NRXN1: variants seen among roughly 807,000 people sequenced by gnomAD.
NRXN1 encodes neurexin 1, also known as neurexin-1.
Under a neutral mutation model 150.9 loss-of-function variants are expected in NRXN1, and 39 were observed. The ratio of observed to expected loss-of-function variants is 0.26; its 90% CI spans 0.20 to 0.34. The LOEUF (loss-of-function observed/expected upper bound fraction) is 0.34, where lower values mean the gene tolerates loss of function less well. Among genes scored for constraint, NRXN1 ranks in the 10% least tolerant of loss-of-function variants. The pLI, the probability that NRXN1 is intolerant of heterozygous loss-of-function variation, is 1.00. For missense variants in NRXN1, 1,815 were observed against 1,949.9 expected, an observed-to-expected ratio of 0.93 and a Z score of 1.30; for synonymous variants, 924 against 757.0, an observed-to-expected ratio of 1.22 and a Z score of -3.62.
intron 15 of NRXN1, among the ~76,000 whole-genome samples, chr2:50,478,349 A>G (rs889102259): frequency 1.3e-5 from 2 of 152,226 alleles, no homozygotes; most frequent in Non-Finnish European, 2.9e-5. Context: ...TCTATAAGAA[A>G]CCACACAGAA....
intron 5 of NRXN1, among the ~76,000 whole-genome samples, chr2:50,828,971 A>T (rs1401787807): frequency 6.6e-6 from 1 of 152,218 alleles, no homozygotes; most frequent in African/African-American, 2.4e-5. Context: ...CACCGTCTGC[A>T]ATCCCGGCAC....
chr2:51,009,004 A>C (rs756730411), intron 2 of NRXN1, among the ~76,000 whole-genome samples: 22 of 151,916 alleles, frequency 1.4e-4, no homozygotes, highest in Admixed American at 2.6e-4. Context: ...TGGAAAGGCA[A>C]AAATTAGAAC....
chr2:50,823,560 ATGT>A (rs1670028797), intron 5 of NRXN1, among the ~76,000 whole-genome samples: 1 of 152,110 alleles, frequency 6.6e-6, no homozygotes, highest in Non-Finnish European at 1.5e-5. Flanking sequence ...CTATGAATTA[ATGT>A]TGTTTCCTCA....
At chr2:50,602,333 G>A (rs1676415045) in intron 8 of NRXN1, among the ~76,000 whole-genome samples, 3 of 151,692 alleles carry the variant, frequency 2.0e-5, no homozygotes, top group South Asian at 4.2e-4. Flanking sequence ...TACATCCTCA[G>A]AGAAGATTTT....
At chr2:49,934,875 C>G (rs1308168035) in intron 22 of NRXN1, among the ~76,000 whole-genome samples, 3 of 152,174 alleles carry the variant, frequency 2.0e-5, no homozygotes, top group African/African-American at 7.2e-5. Flanking sequence ...ACGTGCCCTC[C>G]TCCTACCATA....
chr2:50,736,588 T>A (rs1698781098), intron 5 of NRXN1, among the ~76,000 whole-genome samples: 1 of 152,106 alleles, frequency 6.6e-6, no homozygotes, highest in African/African-American at 2.4e-5. Flanking sequence ...CTGGTTCTTG[T>A]GGTAGTGAAT....
At chr2:51,007,218 T>C (rs1667151600) in intron 2 of NRXN1, among the ~76,000 whole-genome samples, 2 of 151,962 alleles carry the variant, frequency 1.3e-5, no homozygotes. Flanking sequence ...TTTCAGATAA[T>C]TATCAGAAGA....
intron 19 of NRXN1, among the ~76,000 whole-genome samples, chr2:50,086,602 C>G (rs981116239): frequency 3.9e-5 from 6 of 152,152 alleles, no homozygotes; most frequent in Admixed American, 2.6e-4. Flanking sequence ...AAAGTTAATA[C>G]ATTTTATCTG....
At chr2:50,579,523 C>A (rs1671938020) in intron 8 of NRXN1, among the ~76,000 whole-genome samples, 1 of 152,124 alleles carries the variant, frequency 6.6e-6, no homozygotes, top group Admixed American at 6.6e-5. Flanking sequence ...GTGGCATGTG[C>A]CTATAGTCCT....
At chr2:50,547,213 A>G (rs1355277668) in intron 9 of NRXN1, among the ~76,000 whole-genome samples, 1 of 152,156 alleles carries the variant, frequency 6.6e-6, no homozygotes, top group East Asian at 1.9e-4. Context: ...CGCTGACACA[A>G]TCAGCTGTAC....
At chr2:50,728,919 T>G (rs116309115) in intron 5 of NRXN1, among the ~76,000 whole-genome samples, 55 of 152,316 alleles carry the variant, frequency 3.6e-4, no homozygotes, top group African/African-American at 1.3e-3. Flanking sequence ...GTGCATGGTT[T>G]ATGACAGTTT....
At chr2:50,772,923 A>G (rs1239655341) in intron 5 of NRXN1, among the ~76,000 whole-genome samples, 1 of 152,136 alleles carries the variant, frequency 6.6e-6, no homozygotes, top group African/African-American at 2.4e-5. Context: ...AAAGAGAAAC[A>G]AAAGGAGGAG....
chr2:50,622,438 G>C (rs1335387082), intron 6 of NRXN1, among the ~76,000 whole-genome samples: 1 of 152,122 alleles, frequency 6.6e-6, no homozygotes, highest in Non-Finnish European at 1.5e-5. Flanking sequence ...TTTAAGATCA[G>C]CATGTACGGC....
At chr2:50,356,934 G>A (rs906699849) in intron 17 of NRXN1, among the ~76,000 whole-genome samples, 1 of 151,984 alleles carries the variant, frequency 6.6e-6, no homozygotes, top group African/African-American at 2.4e-5. Flanking sequence ...CTAGACTTAA[G>A]ATTTTTTTTT....
rs569687380 is a variant in NRXN1 at position 50,217,798 on chromosome 2, A to T, written c.3546+18991T>A. ...CTCTGCAGTATGACATCACTTGCAT[A>T]CTTATTAAAATATTTTTGCCACTTC... On this transcript the variant is annotated intron_variant, in intron 18 of 22. Transcript: ENST00000401669. 3.8e-4 allele frequency among the ~76,000 whole-genome samples: 58 copies of T among 152,182 alleles called. No homozygotes were observed. In the South Asian group the frequency reaches 7.5e-3, roughly 20 times the overall value.
chr2:49,991,274 A>C (rs1003254165), intron 21 of NRXN1, among the ~76,000 whole-genome samples: 1 of 152,148 alleles, frequency 6.6e-6, no homozygotes, highest in African/African-American at 2.4e-5. Context: ...CAGATTCAGA[A>C]GGAAGAAATA....
chr2:50,844,175 A>C (rs1673287105), intron 5 of NRXN1, among the ~76,000 whole-genome samples: 1 of 152,158 alleles, frequency 6.6e-6, no homozygotes, highest in Non-Finnish European at 1.5e-5. Context: ...CCAGGCAGTC[A>C]CAACAGGTAA....
chr2:50,984,810 A>T (rs560628466), intron 2 of NRXN1, among the ~76,000 whole-genome samples: 1 of 152,184 alleles, frequency 6.6e-6, no homozygotes, highest in South Asian at 2.1e-4. Flanking sequence ...TGACAAAGGG[A>T]ATGTGAATAG....
intron 18 of NRXN1, among the ~76,000 whole-genome samples, chr2:50,115,258 T>TA: frequency 6.8e-6 from 1 of 147,060 alleles, no homozygotes; most frequent in Middle Eastern, 3.7e-3. Flanking sequence ...CACACATATA[T>TA]ATAATAATAC....
Sources: gnomAD v4.1 joint callset for allele counts (sites outside exome capture counted in the v4.1 genomes callset) on GRCh38, gnomAD v4.1.1 for gene constraint, MANE v1.5 for transcripts, NCBI Gene and HGNC (gene_info 2026-07-23, HGNC 2026-07-21) for gene names.